Variants in MYLK observed in about 807,000 individuals in gnomAD.
The protein encoded by MYLK is myosin light chain kinase, also known as myosin light chain kinase, smooth muscle.
A neutral mutation model predicts 203.4 loss-of-function variants in MYLK; 106 were observed. That is an observed-to-expected ratio of 0.52 (90% CI 0.45 to 0.61). The LOEUF is 0.61. Ranked by LOEUF, MYLK falls within the 20% of genes least tolerant of loss-of-function variation. The pLI is 0.00. For synonymous variants in MYLK, 867 were observed against 959.5 expected (o/e 0.90, Z 1.78); for missense variants, 2,072 against 2,442.3 (o/e 0.85, Z 3.20).
chr3:123,766,328 C>G (rs2063701259), intron 4 of MYLK, among the ~76,000 whole-genome samples: 1 of 152,246 alleles, frequency 6.6e-6, no homozygotes. Context: ...CTCGTGACCA[C>G]ACAGGCTCCA....
intron 3 of MYLK, among the ~76,000 whole-genome samples, chr3:123,806,380 T>TGAGC (rs574864592): frequency 3.3e-4 from 50 of 152,296 alleles, no homozygotes; most frequent in African/African-American, 1.2e-3. Flanking sequence ...TCTAAGCAGG[T>TGAGC]GAGCCGTCTG....
At chr3:123,646,383 T>C (rs2059021443) in intron 27 of MYLK, among the ~76,000 whole-genome samples, 2 of 152,238 alleles carry the variant, frequency 1.3e-5, no homozygotes, top group African/African-American at 4.8e-5. Context: ...TTTCACTGTG[T>C]ATTTCCTAAT....
At chr3:123,731,511 T>C (rs1190311619) in intron 11 of MYLK, among the ~76,000 whole-genome samples, 1 of 152,228 alleles carries the variant, frequency 6.6e-6, no homozygotes, top group Non-Finnish European at 1.5e-5. Flanking sequence ...TACAGGATGT[T>C]GTCTGGCATT....
chr3:123,644,952 A>G (rs2108154095), intron 27 of MYLK, among the ~76,000 whole-genome samples: 1 of 152,380 alleles, frequency 6.6e-6, no homozygotes, highest in African/African-American at 2.4e-5. Flanking sequence ...ATAGGATTTG[A>G]CAATTGCAAA....
At chr3:123,799,176 C>G (rs570126202) in intron 3 of MYLK, among the ~76,000 whole-genome samples, 1 of 149,360 alleles carries the variant, frequency 6.7e-6, no homozygotes, top group African/African-American at 2.6e-5. Flanking sequence ...TCCCCCTTAC[C>G]CCCCTTACCC....
chr3:123,834,894 C>T (rs2066436352), intron 2 of MYLK, among the ~76,000 whole-genome samples: 1 of 152,170 alleles, frequency 6.6e-6, no homozygotes, highest in Non-Finnish European at 1.5e-5. Flanking sequence ...TGTGTCAGCT[C>T]TGCTGGTGGT....
At chr3:123,866,756 C>A (rs901580094) in intron 2 of MYLK, among the ~76,000 whole-genome samples, 2 of 152,106 alleles carry the variant, frequency 1.3e-5, no homozygotes, top group African/African-American at 4.8e-5. Flanking sequence ...GACCTCAGGA[C>A]AACCCTTAGA....
chr3:123,637,305 G>GTC (rs2058676999), intron 29 of MYLK, among the ~76,000 whole-genome samples: 1 of 152,104 alleles, frequency 6.6e-6, no homozygotes, highest in Non-Finnish European at 1.5e-5. Flanking sequence ...TCAGAGCGCA[G>GTC]TCGTTGAACC....
At chr3:123,661,814 C>T (rs187710534) in intron 23 of MYLK, among the ~76,000 whole-genome samples, 3 of 152,150 alleles carry the variant, frequency 2.0e-5, no homozygotes, top group African/African-American at 7.2e-5. Context: ...ATTCCCTCTC[C>T]CGGGTCCCCT....
chr3:123,695,091 G>A (rs145910001), intron 18 of MYLK, among the ~76,000 whole-genome samples: 3 of 152,330 alleles, frequency 2.0e-5, no homozygotes, highest in South Asian at 4.1e-4. Flanking sequence ...TGAGTTGGGG[G>A]CAGAGGGGAG....
At position 123,869,165 on chromosome 3, in the gene MYLK, C is replaced by T. The variant is rs183289162; in HGVS notation, c.-127+7394G>A. ...CTCTGCAGGAAAGCAGGGTCCTCAT[C>T]CCCTAACACGTGTGCAAAAGGGTCT... On this transcript the variant is annotated intron_variant, in intron 2 of 33. Transcript: ENST00000360304. Among the ~76,000 whole-genome samples, 13 of 152,168 alleles carry T rather than the reference C, an allele frequency of 8.5e-5. No individual in the cohort carries two copies. The East Asian group carries it at 2.1e-3, about 25-fold the overall frequency.
chr3:123,870,992 C>T (rs1166708568), intron 2 of MYLK, among the ~76,000 whole-genome samples: 1 of 152,132 alleles, frequency 6.6e-6, no homozygotes, highest in Non-Finnish European at 1.5e-5. Flanking sequence ...GGGTCCTAGA[C>T]TGTCAGGGTG....
intron 30 of MYLK, among the ~76,000 whole-genome samples, chr3:123,627,204 T>C (rs1309483338): frequency 6.6e-6 from 1 of 152,176 alleles, no homozygotes; most frequent in Non-Finnish European, 1.5e-5. Flanking sequence ...CATGGCCTGC[T>C]CTTGGGATCG....
At chr3:123,773,255 T>A (rs9882143) in intron 4 of MYLK, among the ~76,000 whole-genome samples, 10,014 of 152,210 alleles carry the variant, frequency 0.066, 1,057 homozygotes, top group African/African-American at 0.22. Flanking sequence ...TTTTAACGAT[T>A]TACTTTCTCC....
In MYLK at chr3:123,700,862, A is replaced by G. The variant is rs779695227; in HGVS notation, c.2606T>C (p.Val869Ala). 2.5e-6 allele frequency: 4 copies of G among 1,613,278 alleles called. No homozygotes were observed. Residue 869 changes from valine (V) to alanine (A), a missense_variant, in exon 18 of 34, where the codon GTG (valine) becomes GCG (alanine). Val to Ala is a moderately conservative substitution (Grantham distance 64). Coordinates refer to ENST00000360304, the MANE Select transcript of MYLK (RefSeq NM_053025.4). ...GWLEEEDGED[V>A]RGVLKRRVET... ...CACGCGCCTCTTCAGCACCCCTCGC[A>G]CGTCCTCGCCGTCTTCCTCCTCTAG...
intron 2 of MYLK, among the ~76,000 whole-genome samples, chr3:123,855,177 G>T (rs541967778): frequency 6.6e-6 from 1 of 152,020 alleles, no homozygotes; most frequent in Non-Finnish European, 1.5e-5. Context: ...TTTAAATATT[G>T]CTTCACTTCC....
intron 29 of MYLK, among the ~76,000 whole-genome samples, chr3:123,637,227 C>T (rs1413965670): frequency 6.6e-6 from 1 of 152,190 alleles, no homozygotes; most frequent in Non-Finnish European, 1.5e-5. Flanking sequence ...AATGACCGTC[C>T]GCACCCTGGG....
At chr3:123,635,899 A>G (rs958428668) in intron 29 of MYLK, among the ~76,000 whole-genome samples, 1 of 152,224 alleles carries the variant, frequency 6.6e-6, no homozygotes, top group African/African-American at 2.4e-5. Context: ...GGGATACTAC[A>G]TAACACTGAG....
chr3:123,716,199 G>A (rs2061887057), intron 13 of MYLK: 1 of 152,142 alleles, frequency 6.6e-6, no homozygotes, highest in South Asian at 2.1e-4. Flanking sequence ...TGTTAACTCT[G>A]GAGGATTCAT....
Sources: allele counts gnomAD v4.1 joint callset (sites outside exome capture counted in the v4.1 genomes callset), GRCh38; gene constraint gnomAD v4.1.1; transcripts MANE v1.5; gene names NCBI Gene and HGNC (gene_info 2026-07-23, HGNC 2026-07-21).